BTBD9: variants seen among roughly 807,000 people sequenced by gnomAD.
BTBD9 encodes BTB domain containing 9, also known as BTB/POZ domain-containing protein 9.
A neutral mutation model predicts 64.3 loss-of-function variants in BTBD9; 49 were observed. The ratio of observed to expected loss-of-function variants is 0.76; its 90% CI spans 0.61 to 0.97. The LOEUF is 0.97. BTBD9 is among the 50% of genes least tolerant of loss of function. The probability of loss-of-function intolerance (pLI) is 0.00; values close to 1 mark genes in which losing one functional copy is unlikely to be tolerated. For missense variants in BTBD9, 598 were observed against 762.1 expected (o/e 0.78, Z 2.53); for synonymous variants, 260 against 274.7 (o/e 0.95, Z 0.53).
intron 6 of BTBD9, among the ~76,000 whole-genome samples, chr6:38,476,263 T>A (rs1160501260): frequency 1.3e-5 from 2 of 152,218 alleles, no homozygotes; most frequent in Non-Finnish European, 1.5e-5. Context: ...ATTAAAAGCA[T>A]AATTCAGTGT....
At chr6:38,601,564 T>TA (rs1562404322) in intron 1 of BTBD9, among the ~76,000 whole-genome samples, 2 of 152,118 alleles carry the variant, frequency 1.3e-5, no homozygotes, top group South Asian at 4.2e-4. Flanking sequence ...CATGAGCCTG[T>TA]AATCCCAGCT....
chr6:38,176,067 C>G (rs1056777851), intron 10 of BTBD9, among the ~76,000 whole-genome samples: 1 of 152,224 alleles, frequency 6.6e-6, no homozygotes, highest in Non-Finnish European at 1.5e-5. Context: ...CTCAGCGCCC[C>G]GCAAGCAAGG....
At chr6:38,335,932 A>G (rs969137273) in intron 7 of BTBD9, among the ~76,000 whole-genome samples, 1 of 151,046 alleles carries the variant, frequency 6.6e-6, no homozygotes, top group Non-Finnish European at 1.5e-5. Context: ...ATAGGTTTTC[A>G]CCATGTTGGC....
At chr6:38,410,265 A>C (rs1295900701) in intron 6 of BTBD9, among the ~76,000 whole-genome samples, 1 of 151,132 alleles carries the variant, frequency 6.6e-6, no homozygotes, top group Non-Finnish European at 1.5e-5. Flanking sequence ...GAGTCTAGTA[A>C]TCACTTGAGA....
chr6:38,400,441 G>C (rs1471654375), intron 6 of BTBD9, among the ~76,000 whole-genome samples: 2 of 151,844 alleles, frequency 1.3e-5, no homozygotes, highest in Non-Finnish European at 2.9e-5. Context: ...GTCCTCTAAG[G>C]GCCAAACCCC....
chr6:38,388,613 C>A (rs1307510803), intron 6 of BTBD9, among the ~76,000 whole-genome samples: 1 of 152,168 alleles, frequency 6.6e-6, no homozygotes, highest in African/African-American at 2.4e-5. Flanking sequence ...GAAAATATAT[C>A]AACTGAATTT....
intron 7 of BTBD9, among the ~76,000 whole-genome samples, chr6:38,322,489 C>T (rs146763026): frequency 6.6e-6 from 1 of 152,234 alleles, no homozygotes; most frequent in African/African-American, 2.4e-5. Context: ...TGAAAATCTG[C>T]AATTGGGGAA....
chr6:38,482,439 C>T (rs1771198293), intron 6 of BTBD9: 2 of 150,412 alleles, frequency 1.3e-5, no homozygotes, highest in South Asian at 4.2e-4. Flanking sequence ...CTTTTAGCTA[C>T]CCCTCAATTC....
rs1459032654 is a variant in BTBD9, at chr6:38,288,447, C to T, written c.1279G>A (p.Val427Ile). ...EKGLIVPMEN[V>I]ATIADCASVI... ...CTGGCACAATCAGCAATTGTTGCAA[C>T]ATTCTCCATGGGAACTGTGAATCCA... Residue 427 changes from valine (V) to isoleucine (I), a missense_variant, in exon 8 of 11, where the codon GTT becomes ATT. Physicochemically the swap from Val to Ile is conservative, Grantham distance 29 (BLOSUM62 3). Transcript: ENST00000481247. The T allele has an allele frequency of 6.2e-7, 1 of 1,613,816 alleles. No homozygotes were observed. The highest frequency in any genetic ancestry group is 1.3e-5 in the African/African-American group (1 of 74,910).
chr6:38,345,755 C>T (rs982218586), intron 6 of BTBD9, among the ~76,000 whole-genome samples: 2 of 152,232 alleles, frequency 1.3e-5, no homozygotes, highest in Non-Finnish European at 2.9e-5. Context: ...CTCCTGGCCA[C>T]GTGAATCTGG....
chr6:38,444,676 C>A (rs190347260), intron 6 of BTBD9, among the ~76,000 whole-genome samples: 8 of 152,128 alleles, frequency 5.3e-5, no homozygotes, highest in African/African-American at 1.9e-4. Context: ...AAAAGGGTAC[C>A]TTTTTCATAG....
At chr6:38,405,008 G>A (rs1384802215) in intron 6 of BTBD9, among the ~76,000 whole-genome samples, 1 of 152,110 alleles carries the variant, frequency 6.6e-6, no homozygotes, top group Non-Finnish European at 1.5e-5. Flanking sequence ...ATTGTCAATC[G>A]TTATGAAACG....
chr6:38,504,546 C>A (rs1403098116), intron 6 of BTBD9: 1 of 456,834 alleles, frequency 2.2e-6, no homozygotes, highest in East Asian at 6.9e-5. Flanking sequence ...TCTCCTGTAT[C>A]ATAGATCTCT....
chr6:38,436,669 C>A (rs1768755226), intron 6 of BTBD9, among the ~76,000 whole-genome samples: 1 of 150,120 alleles, frequency 6.7e-6, no homozygotes, highest in Non-Finnish European at 1.5e-5. Context: ...AGCCACCACA[C>A]CTGGCCCAAA....
Position 38,427,182 on chromosome 6 carries a change from T to TA in BTBD9, c.1155-82090dup, listed in dbSNP as rs10709700. Among the ~76,000 whole-genome samples the TA allele has an allele frequency of 7.3e-3, 1,031 of 140,970 alleles. 16 individuals are homozygous for TA. Among genetic ancestry groups the TA allele is most frequent in the African/African-American group, 0.018 (665 of 37,612 alleles). The allele number at this position is 140,970 out of a possible 152,430, so 92.5% of individuals were successfully genotyped here. A position where few individuals can be genotyped will look rare whatever the true frequency, so the allele number is the denominator to read the frequency against. ...AATATTAAAATCATCTGAGGAGCTT[T>TA]AAAAAAAAAAAAAAAGCTGATGCCA... On this transcript the variant is annotated intron_variant, in intron 6 of 10. Transcript: ENST00000481247.
At chr6:38,356,853 G>A (rs1764746830) in intron 6 of BTBD9, among the ~76,000 whole-genome samples, 1 of 152,156 alleles carries the variant, frequency 6.6e-6, no homozygotes, top group Non-Finnish European at 1.5e-5. Context: ...ACCCTTGCAT[G>A]GAAGACATGG....
intron 3 of BTBD9, 124 bp downstream of exon 3, chr6:38,593,840 C>T: frequency 1.2e-6 from 1 of 865,552 alleles, no homozygotes; most frequent in Non-Finnish European, 1.8e-6. Context: ...GACCAGATAA[C>T]CAATGATAAC....
chr6:38,421,337 C>T (rs578152662), intron 6 of BTBD9, among the ~76,000 whole-genome samples: 2 of 152,232 alleles, frequency 1.3e-5, no homozygotes, highest in South Asian at 4.2e-4. Flanking sequence ...GCCTGGGAGA[C>T]AGAGCAAGAT....
chr6:38,327,066 T>C (rs749043860), intron 7 of BTBD9, among the ~76,000 whole-genome samples: 3 of 152,178 alleles, frequency 2.0e-5, no homozygotes, highest in Admixed American at 6.5e-5. Context: ...AGGGGCAGAA[T>C]TGAAGTAATC....
Sources: gnomAD v4.1 joint callset for allele counts (sites outside exome capture counted in the v4.1 genomes callset) on GRCh38, gnomAD v4.1.1 for gene constraint, MANE v1.5 for transcripts, NCBI Gene and HGNC (gene_info 2026-07-23, HGNC 2026-07-21) for gene names.